HACE1: variants seen among roughly 807,000 people sequenced by gnomAD.
HACE1 encodes HECT domain and ankyrin repeat containing E3 ubiquitin protein ligase 1.
In HACE1, 73 loss-of-function variants were observed where a neutral mutation model predicts 118.4. The observed-to-expected ratio is 0.62, with a 90% CI of 0.51 to 0.75. The LOEUF (loss-of-function observed/expected upper bound fraction) is 0.75. HACE1 is among the 30% of genes least tolerant of loss of function. The pLI is 0.00. For synonymous variants in HACE1, 368 were observed against 374.8 expected (o/e 0.98, Z 0.21); for missense variants, 749 against 1,102.2 (o/e 0.68, Z 4.54).
chr6:104,730,733 C>T (rs746792618), intron 22 of HACE1: 1 of 321,536 alleles, frequency 3.1e-6, no homozygotes, highest in Non-Finnish European at 6.0e-6. Flanking sequence ...TGAAGTGGGG[C>T]TGATTTGAGG....
At chr6:104,739,584 T>C (rs1451663497) in intron 22 of HACE1, among the ~76,000 whole-genome samples, 2 of 152,070 alleles carry the variant, frequency 1.3e-5, no homozygotes, top group Admixed American at 6.5e-5. Flanking sequence ...CATTACATAA[T>C]GATAAAGGGA....
At chr6:104,786,605 A>T (rs76793077) in intron 11 of HACE1, 1 of 129,112 alleles carries the variant, frequency 7.7e-6, no homozygotes, top group African/African-American at 3.4e-5. Context: ...TACTGTCTCC[A>T]AAAAAAAAAA....
At chr6:104,831,965 GAAGAGAAGAGAAGAGAGGA>G (rs1283141594) in intron 6 of HACE1, among the ~76,000 whole-genome samples, 68 of 85,938 alleles carry the variant, frequency 7.9e-4, no homozygotes, top group African/African-American at 1.5e-3. Flanking sequence ...GAAGAGAAGA[GAAGAGAAGAGAAGAGAGGA>G]AGGAAGGAAG....
At chr6:104,780,616 T>C (rs1211172183) in intron 14 of HACE1, among the ~76,000 whole-genome samples, 2 of 152,074 alleles carry the variant, frequency 1.3e-5, no homozygotes, top group Non-Finnish European at 2.9e-5. Flanking sequence ...AACTTGCCAA[T>C]ATAATGTCCA....
chr6:104,735,452 G>C (rs1306840638), intron 22 of HACE1, among the ~76,000 whole-genome samples: 2 of 152,032 alleles, frequency 1.3e-5, no homozygotes, highest in African/African-American at 4.8e-5. Flanking sequence ...CTAACAAGGT[G>C]AAACCCCGCC....
chr6:104,730,738 T>G (rs1018626469), intron 22 of HACE1: 3 of 316,554 alleles, frequency 9.5e-6, no homozygotes, highest in Non-Finnish European at 1.8e-5. Context: ...TGGGGCTGAT[T>G]TGAGGGCCCA....
At position 104,750,395 on chromosome 6, in the gene HACE1, G is replaced by A. The variant is rs1003848249; in HGVS notation, c.2289C>T (p.Gly763=). 3 of 1,612,318 alleles carry A rather than the reference G, an allele frequency of 1.9e-6. No homozygotes were observed. The African/African-American group carries it at 4.0e-5, about 22-fold the overall frequency. Residue 763 remains glycine, a synonymous_variant, in exon 20 of 24, where the codon GGC becomes GGT. Transcript: ENST00000262903. ...GGGAGGGTGGAATGAACATATGAAA[G>A]CCCTGTAAAAAAGCATTGATCTGAG... ...IQPQINAFLQ[G]FHMFIPPSLI...
Position 104,833,116 on chromosome 6 carries a change from C to A in HACE1, c.460G>T (p.Val154Phe), listed in dbSNP as rs1260756913. The stretch of plus-strand genomic sequence containing the variant: ...GCATCCTCAACATCAACATCACTGA[C>A]ATGCTGCACAAGGTCATGGAGTAGT... The part of the protein sequence containing the change: ...TELLHDLVQH[V>F]SDVDVEDAMG... The change falls in exon 6 of 24, where the codon GTC (valine) becomes TTC (phenylalanine). Residue 154 changes from valine to phenylalanine, a missense_variant. Val to Phe is a conservative substitution (Grantham distance 50, BLOSUM62 -1). Coordinates refer to ENST00000262903, the MANE Select transcript of HACE1 (RefSeq NM_020771.4). 1 of 1,613,522 alleles carries A rather than the reference C, an allele frequency of 6.2e-7. No homozygotes were observed. Among genetic ancestry groups the A allele is most frequent in the Non-Finnish European group, 8.5e-7 (1 of 1,179,526 alleles).
intron 1 of HACE1, among the ~76,000 whole-genome samples, chr6:104,857,570 T>A (rs1776850807): frequency 6.6e-6 from 1 of 151,580 alleles, no homozygotes; most frequent in Admixed American, 6.6e-5. Context: ...TCTCATAAAA[T>A]CAGTTTAAAA....
intron 6 of HACE1, among the ~76,000 whole-genome samples, chr6:104,812,775 A>G (rs1771763490): frequency 6.6e-6 from 1 of 152,198 alleles, no homozygotes. Flanking sequence ...GAATAGAGGA[A>G]TTGGAAGTAC....
chr6:104,819,336 C>T (rs909527124), intron 6 of HACE1, among the ~76,000 whole-genome samples: 3 of 151,868 alleles, frequency 2.0e-5, no homozygotes, highest in East Asian at 3.9e-4. Flanking sequence ...AGTAGGGAGG[C>T]GAAAGATCTC....
chr6:104,859,897 C>T lies in HACE1; in HGVS notation c.-255G>A. 2.1e-6 allele frequency: 1 copy of T among 468,844 alleles called. No homozygotes were observed. Among genetic ancestry groups the T allele is most frequent in the Non-Finnish European group, 3.8e-6 (1 of 264,876 alleles). 29.0% of individuals were successfully genotyped at this position (468,844 alleles called of 1,614,324 possible). A position where few individuals can be genotyped will look rare whatever the true frequency, so the allele number is the denominator to read the frequency against. Reference sequence around the variant, plus strand: ...TCCTGCAGCCCCCGCCGCCGCGTCCCTCCCGGGCTCGCGTGGCCTTCTGGG... The same window carrying T: ...TCCTGCAGCCCCCGCCGCCGCGTCCTTCCCGGGCTCGCGTGGCCTTCTGGG... On this transcript the variant is annotated 5_prime_UTR_variant, in exon 1 of 24. Transcript: ENST00000262903.
At chr6:104,840,644 C>T (rs1024065877) in intron 5 of HACE1, among the ~76,000 whole-genome samples, 1 of 151,934 alleles carries the variant, frequency 6.6e-6, no homozygotes, top group African/African-American at 2.4e-5. Flanking sequence ...GCCTAGCTAA[C>T]CTGGTAAAAC....
intron 5 of HACE1, among the ~76,000 whole-genome samples, chr6:104,835,205 T>C (rs1224653375): frequency 1.3e-5 from 2 of 152,190 alleles, no homozygotes; most frequent in Non-Finnish European, 2.9e-5. Context: ...CTGAAGCCTC[T>C]AGTGAACAAA....
rs1333859590 is a variant in HACE1 at position 104,744,234 on chromosome 6, A to G, written c.2443-4T>C. 2.7e-6 allele frequency: 3 copies of G among 1,103,220 alleles called. No individual in the cohort carries two copies. Among genetic ancestry groups the G allele is most frequent in the Non-Finnish European group, 3.7e-6 (3 of 814,364 alleles). The allele number at this position is 1,103,220 out of a possible 1,614,324, so 68.3% of individuals were successfully genotyped here. On this transcript the variant is annotated splice_polypyrimidine_tract_variant and splice_region_variant and intron_variant, in intron 21 of 23. Transcript: ENST00000262903. ...CTTCTACAACTTCCCAGAACCACTA[A>G]CAACAAGAACAAAAAACTTAGCTCA...
chr6:104,747,629 G>A (rs1013230989), intron 20 of HACE1, among the ~76,000 whole-genome samples: 3 of 151,878 alleles, frequency 2.0e-5, no homozygotes, highest in Non-Finnish European at 4.4e-5. Flanking sequence ...TGGGGTCAGG[G>A]AACATGAGTT....
chr6:104,736,834 T>G (rs1223232888), intron 22 of HACE1, among the ~76,000 whole-genome samples: 1 of 152,080 alleles, frequency 6.6e-6, no homozygotes, highest in Non-Finnish European at 1.5e-5. Flanking sequence ...AACTATACAG[T>G]AAAAAGACTA....
At chr6:104,833,939 C>T (rs544048899) in intron 5 of HACE1, among the ~76,000 whole-genome samples, 2 of 152,060 alleles carry the variant, frequency 1.3e-5, no homozygotes, top group South Asian at 2.1e-4. Flanking sequence ...GAGCTGAGAT[C>T]GTGCCACTGC....
At chr6:104,768,826 G>A (rs1016073430) in intron 19 of HACE1, among the ~76,000 whole-genome samples, 1 of 152,188 alleles carries the variant, frequency 6.6e-6, no homozygotes, top group Non-Finnish European at 1.5e-5. Flanking sequence ...CACCTCTGGT[G>A]AGATGCACAA....
Sources: gnomAD v4.1 joint callset for allele counts (sites outside exome capture counted in the v4.1 genomes callset) on GRCh38, gnomAD v4.1.1 for gene constraint, MANE v1.5 for transcripts, NCBI Gene and HGNC (gene_info 2026-07-23, HGNC 2026-07-21) for gene names.